Variants in SRP54 observed in about 807,000 individuals in gnomAD.
SRP54 encodes signal recognition particle 54.
In SRP54, 10 loss-of-function variants were observed where a neutral mutation model predicts 64.8. That is an observed-to-expected ratio of 0.15 (90% CI 0.10 to 0.26). SRP54 has a LOEUF of 0.26. Ranked by LOEUF, SRP54 falls within the 10% of genes least tolerant of loss-of-function variation. The pLI is 1.00. For missense variants in SRP54, 325 were observed against 613.7 expected (o/e 0.53, Z 4.97); for synonymous variants, 193 against 185.6 (o/e 1.04, Z -0.32).
chr14:35,020,630 G>A (rs560459053), intron 13 of SRP54, among the ~76,000 whole-genome samples: 1 of 152,186 alleles, frequency 6.6e-6, no homozygotes, highest in East Asian at 1.9e-4. Context: ...GGTTTTCATA[G>A]TAGCCCAAAT....
chr14:35,022,163 ATTTTTTAAATATACCATATACC>A (rs1382034224), intron 13 of SRP54, among the ~76,000 whole-genome samples: 1 of 151,996 alleles, frequency 6.6e-6, no homozygotes, highest in African/African-American at 2.4e-5. Flanking sequence ...ATTTGTGTTC[ATTTTTTAAATATACCATATACC>A]TCTGATGTTT....
intron 1 of SRP54, among the ~76,000 whole-genome samples, chr14:34,986,568 A>G (rs938976998): frequency 6.6e-6 from 1 of 152,176 alleles, no homozygotes; most frequent in Non-Finnish European, 1.5e-5. Context: ...AAAAATTGGA[A>G]ATTAGAAAAA....
At chr14:34,985,713 T>C (rs2043884801) in intron 1 of SRP54, among the ~76,000 whole-genome samples, 1 of 152,240 alleles carries the variant, frequency 6.6e-6, no homozygotes, top group Non-Finnish European at 1.5e-5. Context: ...TATGAACCCT[T>C]GCTGCACATC....
intron 3 of SRP54, 39 bp from the exon 4 acceptor site, chr14:35,000,897 T>G (rs562606208): frequency 8.4e-7 from 1 of 1,186,024 alleles, no homozygotes; most frequent in African/African-American, 1.6e-5. Flanking sequence ...TTAACTGATT[T>G]TCTCCTCCCC....
chr14:34,999,495 G>C, intron 2 of SRP54, 63 bp from the exon 3 acceptor site: 1 of 1,269,932 alleles, frequency 7.9e-7, no homozygotes. Flanking sequence ...ATCAACAATT[G>C]TTTTTATGGA....
chr14:35,003,059 G>C (rs2044202865), intron 4 of SRP54, among the ~76,000 whole-genome samples: 2 of 151,974 alleles, frequency 1.3e-5, no homozygotes, highest in Non-Finnish European at 2.9e-5. Flanking sequence ...AATTTTTATT[G>C]TTAGGGGCTC....
At chr14:34,989,449 A>C (rs2043951337) in intron 1 of SRP54, among the ~76,000 whole-genome samples, 1 of 152,094 alleles carries the variant, frequency 6.6e-6, no homozygotes, top group Middle Eastern at 3.2e-3. Context: ...AGCCTGGGCA[A>C]CAAGAGCAAA....
At chr14:35,026,332 A>T (rs1386751712) in intron 14 of SRP54, among the ~76,000 whole-genome samples, 3 of 151,882 alleles carry the variant, frequency 2.0e-5, no homozygotes, top group African/African-American at 7.3e-5. Flanking sequence ...AGCTCAAGCG[A>T]TCCTCCAATC....
At chr14:35,003,033 A>G (rs754313601) in intron 4 of SRP54, among the ~76,000 whole-genome samples, 22 of 152,102 alleles carry the variant, frequency 1.4e-4, no homozygotes, top group Non-Finnish European at 2.6e-4. Flanking sequence ...CATGTCAGCC[A>G]CTTTGCCTGG....
chr14:35,005,139 C>A (rs537722958), intron 4 of SRP54, among the ~76,000 whole-genome samples: 22 of 152,264 alleles, frequency 1.4e-4, no homozygotes, highest in East Asian at 7.7e-4. Context: ...CAAAACCAGT[C>A]TGGGCAACAT....
chr14:34,984,061 C>T (rs2043853786), intron 1 of SRP54, among the ~76,000 whole-genome samples: 1 of 152,178 alleles, frequency 6.6e-6, no homozygotes, highest in Non-Finnish European at 1.5e-5. Context: ...GCCTAGAATA[C>T]AGCAATCGTG....
At chr14:35,004,038 A>C (rs1207987886) in intron 4 of SRP54, among the ~76,000 whole-genome samples, 1 of 151,870 alleles carries the variant, frequency 6.6e-6, no homozygotes, top group Non-Finnish European at 1.5e-5. Context: ...TGAGGTCAGG[A>C]GTTTGAGACC....
intron 13 of SRP54, among the ~76,000 whole-genome samples, chr14:35,020,207 T>C (rs2044505596): frequency 6.6e-6 from 1 of 151,924 alleles, no homozygotes; most frequent in Non-Finnish European, 1.5e-5. Context: ...TAAAAAAATA[T>C]AGTTTATTGC....
At chr14:35,014,290 T>TTTTTTTTTTTG (rs376712278) in intron 10 of SRP54, among the ~76,000 whole-genome samples, 7 of 127,266 alleles carry the variant, frequency 5.5e-5, no homozygotes, top group Admixed American at 8.5e-5. Flanking sequence ...TTTTTTTTTT[T>TTTTTTTTTTTG]TTTTGAGACG....
At chr14:34,998,499 A>G (rs1380642975) in intron 2 of SRP54, among the ~76,000 whole-genome samples, 1 of 152,040 alleles carries the variant, frequency 6.6e-6, no homozygotes, top group Non-Finnish European at 1.5e-5. Context: ...TTACTTCCAT[A>G]ATTGTCCAGT....
At chr14:34,984,202 C>T (rs1171650926) in intron 1 of SRP54, among the ~76,000 whole-genome samples, 2 of 152,160 alleles carry the variant, frequency 1.3e-5, no homozygotes, top group African/African-American at 4.8e-5. Context: ...CCAGATTACT[C>T]CTCTGTCCCC....
intron 13 of SRP54, among the ~76,000 whole-genome samples, chr14:35,021,871 T>C (rs1411834491): frequency 1.3e-5 from 2 of 152,204 alleles, no homozygotes; most frequent in African/African-American, 4.8e-5. Flanking sequence ...GCAGAGGGAA[T>C]GCAGACATAA....
intron 1 of SRP54, among the ~76,000 whole-genome samples, chr14:34,992,773 C>T (rs1014328220): frequency 9.7e-4 from 148 of 152,146 alleles, no homozygotes; most frequent in African/African-American, 3.2e-3. Context: ...TACACATGTA[C>T]CCTCTGAATC....
chr14:34,993,540 A>G (rs1163052202), intron 1 of SRP54: 1 of 152,070 alleles, frequency 6.6e-6, no homozygotes, highest in East Asian at 1.9e-4. Context: ...GTAGTGTTTA[A>G]TTTGTAGCTC....
Sources: gnomAD v4.1 joint callset for allele counts (sites outside exome capture counted in the v4.1 genomes callset) on GRCh38, gnomAD v4.1.1 for gene constraint, MANE v1.5 for transcripts, NCBI Gene and HGNC (gene_info 2026-07-23, HGNC 2026-07-21) for gene names.